The following AGBL4 variants were observed in gnomAD, a reference collection of about 807,000 sequenced individuals.
The protein encoded by AGBL4 is cytosolic carboxypeptidase 6.
In AGBL4, 58 loss-of-function variants were observed where a neutral mutation model predicts 66.4. The ratio of observed to expected loss-of-function variants is 0.87; its 90% confidence interval spans 0.71 to 1.09. AGBL4 has a LOEUF of 1.09. Ranked by LOEUF, AGBL4 falls within the 50% of genes least tolerant of loss-of-function variation. AGBL4 has a pLI of 0.00. For missense variants in AGBL4, 579 were observed against 631.0 expected, an observed-to-expected ratio of 0.92 and a Z score of 0.88; for synonymous variants, 234 against 222.9, an observed-to-expected ratio of 1.05 and a Z score of -0.44.
rs528630936 is a variant in AGBL4 at position 49,545,061 on chromosome 1, C to T, written c.282+152252G>A. On this transcript the variant is annotated intron_variant, in intron 3 of 13. Coordinates refer to ENST00000371839, the MANE Select transcript of AGBL4 (RefSeq NM_032785.4). Reference sequence around the variant, plus strand: ...TCCCACCTCCTAATAGTCACATTACCGTTTAATTCCTCTCCAATAGGTGTG... The same window carrying T: ...TCCCACCTCCTAATAGTCACATTACTGTTTAATTCCTCTCCAATAGGTGTG... 6.2e-4 allele frequency among the ~76,000 whole-genome samples: 94 copies of T among 152,240 alleles called. 1 individual carries two copies. Among genetic ancestry groups the T allele is most frequent in the African/African-American group, 2.0e-3 (83 of 41,534 alleles).
chr1:49,063,180 T>A (rs980927082), intron 4 of AGBL4, among the ~76,000 whole-genome samples: 7 of 152,176 alleles, frequency 4.6e-5, no homozygotes, highest in Non-Finnish European at 1.0e-4. Flanking sequence ...TTGCAATCTA[T>A]TTGGGAAGTC....
intron 4 of AGBL4, 68 bp downstream of exon 4, chr1:49,245,702 G>T: frequency 9.1e-7 from 1 of 1,103,004 alleles, no homozygotes; most frequent in Non-Finnish European, 1.3e-6. Context: ...ATTAGTAGGT[G>T]TGTATATGTA....
chr1:49,390,324 C>G (rs1025600615), intron 3 of AGBL4, among the ~76,000 whole-genome samples: 1 of 152,144 alleles, frequency 6.6e-6, no homozygotes, highest in East Asian at 1.9e-4. Context: ...GAAATTGGGG[C>G]CTCAAATGGC....
At chr1:49,829,048 G>A (rs1645585914) in intron 2 of AGBL4, among the ~76,000 whole-genome samples, 1 of 149,388 alleles carries the variant, frequency 6.7e-6, no homozygotes, top group Non-Finnish European at 1.5e-5. Context: ...CAGCCTGGAC[G>A]AAAGAGTGAG....
chr1:48,579,461 G>A (rs1644703308), intron 11 of AGBL4, among the ~76,000 whole-genome samples: 1 of 150,726 alleles, frequency 6.6e-6, no homozygotes, highest in Non-Finnish European at 1.5e-5. Flanking sequence ...GGCTGGTCTC[G>A]AACTCCTGAC....
chr1:49,428,880 A>G (rs2148653922), intron 3 of AGBL4, among the ~76,000 whole-genome samples: 1 of 152,304 alleles, frequency 6.6e-6, no homozygotes, highest in East Asian at 1.9e-4. Flanking sequence ...CTATAAGATC[A>G]TTTCCTATCA....
chr1:49,810,588 A>G (rs992956486), intron 2 of AGBL4, among the ~76,000 whole-genome samples: 1 of 152,170 alleles, frequency 6.6e-6, no homozygotes, highest in Non-Finnish European at 1.5e-5. Context: ...CTAAAACAAA[A>G]GAATAATGAA....
intron 3 of AGBL4, among the ~76,000 whole-genome samples, chr1:49,441,446 G>A (rs552285903): frequency 8.6e-4 from 131 of 152,284 alleles, no homozygotes; most frequent in Non-Finnish European, 1.3e-3. Context: ...CACTGTGACC[G>A]ACCTGGAAAT....
intron 6 of AGBL4, among the ~76,000 whole-genome samples, chr1:48,793,895 C>G (rs1378970119): frequency 6.6e-6 from 1 of 152,148 alleles, no homozygotes; most frequent in African/African-American, 2.4e-5. Context: ...CCAGGCACAT[C>G]GACCCTGGTG....
At chr1:49,116,700 T>C (rs538112502) in intron 4 of AGBL4, among the ~76,000 whole-genome samples, 133 of 152,336 alleles carry the variant, frequency 8.7e-4, no homozygotes, top group African/African-American at 3.1e-3. Flanking sequence ...TGTGTCTTTA[T>C]AGTAGCATGA....
intron 6 of AGBL4, among the ~76,000 whole-genome samples, chr1:48,719,119 GC>G (rs1456212253): frequency 1.3e-5 from 2 of 152,108 alleles, no homozygotes; most frequent in East Asian, 3.8e-4. Flanking sequence ...TAAGGAGGTG[GC>G]TCAGGAAAGA....
intron 1 of AGBL4, among the ~76,000 whole-genome samples, chr1:49,986,569 T>C (rs536093609): frequency 1.2e-4 from 19 of 152,196 alleles, no homozygotes; most frequent in East Asian, 5.8e-4. Context: ...CCAACTTAAA[T>C]AGATCCTACC....
chr1:49,911,439 T>C (rs1043146374), intron 1 of AGBL4, among the ~76,000 whole-genome samples: 1 of 152,292 alleles, frequency 6.6e-6, no homozygotes, highest in East Asian at 1.9e-4. Context: ...TCTATGGATA[T>C]AGATACTACA....
At chr1:49,125,160 G>GA (rs1645740468) in intron 4 of AGBL4, among the ~76,000 whole-genome samples, 1 of 151,874 alleles carries the variant, frequency 6.6e-6, no homozygotes, top group South Asian at 2.1e-4. Context: ...TAAAATTTCA[G>GA]AAAAAAAGCA....
chr1:49,887,824 T>A (rs564786518), intron 1 of AGBL4, among the ~76,000 whole-genome samples: 1 of 152,184 alleles, frequency 6.6e-6, no homozygotes, highest in East Asian at 1.9e-4. Flanking sequence ...AATTCTTGCA[T>A]CCCATTCTTA....
chr1:49,258,357 C>G (rs954675653), intron 3 of AGBL4, among the ~76,000 whole-genome samples: 5 of 152,092 alleles, frequency 3.3e-5, no homozygotes, highest in African/African-American at 1.2e-4. Flanking sequence ...CAAACTACTC[C>G]GAGCTACAGA....
At chr1:49,036,721 CTAAT>C (rs1036605228) in intron 5 of AGBL4, among the ~76,000 whole-genome samples, 1 of 121,814 alleles carries the variant, frequency 8.2e-6, no homozygotes, top group Non-Finnish European at 1.7e-5. Context: ...CCATGCTCAG[CTAAT>C]TTTTTTTTTT....
At chr1:48,693,979 G>A (rs900813346) in intron 6 of AGBL4, among the ~76,000 whole-genome samples, 3 of 145,648 alleles carry the variant, frequency 2.1e-5, no homozygotes, top group Admixed American at 1.4e-4. Context: ...CCAGTCTCTG[G>A]ACCCACAAGC....
In AGBL4 at chr1:49,700,509, T is replaced by C. The variant is rs560945502; in HGVS notation, c.158-3072A>G. On this transcript the variant is annotated intron_variant, in intron 2 of 13. Transcript: ENST00000371839. ...TAATTTGAAAACATGATTTTAAAAA[T>C]ACCTAGTTTTAATTATGAAACACAT... 6.7e-4 allele frequency among the ~76,000 whole-genome samples: 102 copies of C among 152,178 alleles called. 1 individual carries two copies. Among genetic ancestry groups the C allele is most frequent in the African/African-American group, 2.4e-3 (100 of 41,570 alleles).
Sources: allele counts gnomAD v4.1 joint callset (sites outside exome capture counted in the v4.1 genomes callset), GRCh38; gene constraint gnomAD v4.1.1; transcripts MANE v1.5; gene names NCBI Gene and HGNC (gene_info 2026-07-23, HGNC 2026-07-21).